Variants in PDE4B observed in about 807,000 individuals in gnomAD.
PDE4B encodes the protein phosphodiesterase 4B, also known as 3',5'-cyclic-AMP phosphodiesterase 4B.
In PDE4B, 20 loss-of-function variants were observed where a neutral mutation model predicts 82.2. The ratio of observed to expected loss-of-function variants is 0.24; its 90% CI spans 0.17 to 0.35. The LOEUF (loss-of-function observed/expected upper bound fraction) is 0.35, where lower values mean the gene tolerates loss of function less well. Ranked by LOEUF, PDE4B falls within the 10% of genes least tolerant of loss-of-function variation. The pLI, the probability that PDE4B is intolerant of heterozygous loss-of-function variation, is 1.00. For synonymous variants in PDE4B, 320 were observed against 318.9 expected (o/e 1.00, Z -0.04); for missense variants, 655 against 907.2 (o/e 0.72, Z 3.57).
intron 4 of PDE4B, among the ~76,000 whole-genome samples, chr1:66,254,447 G>C (rs747335593): frequency 8.6e-5 from 13 of 151,854 alleles, no homozygotes; most frequent in Admixed American, 7.9e-4. Context: ...CTCTTCCTTT[G>C]GCTCCCTATT....
intron 16 of PDE4B, among the ~76,000 whole-genome samples, chr1:66,371,039 A>T (rs955852793): frequency 7.4e-6 from 1 of 135,400 alleles, no homozygotes; most frequent in African/African-American, 2.8e-5. Context: ...TATATCATAC[A>T]TATATATATA....
At chr1:66,045,651 A>T (rs886214083) in intron 3 of PDE4B, among the ~76,000 whole-genome samples, 1 of 151,862 alleles carries the variant, frequency 6.6e-6, no homozygotes, top group Non-Finnish European at 1.5e-5. Context: ...ATCCCCCAAG[A>T]TGCCCATGTT....
intron 1 of PDE4B, among the ~76,000 whole-genome samples, chr1:65,882,605 G>C (rs1390797262): frequency 7.2e-6 from 1 of 139,682 alleles, no homozygotes; most frequent in Non-Finnish European, 1.5e-5. Flanking sequence ...CATAGTAAAA[G>C]ATTTATAATG....
intron 3 of PDE4B, among the ~76,000 whole-genome samples, chr1:66,207,031 G>A (rs1174342988): frequency 6.6e-6 from 1 of 152,106 alleles, no homozygotes; most frequent in Non-Finnish European, 1.5e-5. Flanking sequence ...ACCAAATCTT[G>A]TACTGAAAGG....
chr1:65,973,364 G>A (rs1217230804), intron 3 of PDE4B, among the ~76,000 whole-genome samples: 1 of 151,904 alleles, frequency 6.6e-6, no homozygotes, highest in African/African-American at 2.4e-5. Flanking sequence ...CTGATTTTTA[G>A]AAGAGACATT....
At chr1:65,869,795 GTTT>G (rs11320288) in intron 1 of PDE4B, among the ~76,000 whole-genome samples, 4,151 of 144,746 alleles carry the variant, frequency 0.029, 89 homozygotes, top group African/African-American at 0.053. Flanking sequence ...GCTATACCAT[GTTT>G]TTTTTTTTTT....
intron 3 of PDE4B, chr1:66,152,633 TACACACACAC>T (rs141660761): frequency 0.26 from 36,869 of 143,462 alleles, 4,952 homozygotes; most frequent in Non-Finnish European, 0.31. Context: ...TATATGTGTA[TACACACACAC>T]ACACACACAC....
intron 1 of PDE4B, among the ~76,000 whole-genome samples, chr1:65,823,569 C>A (rs1235380650): frequency 6.6e-6 from 1 of 152,064 alleles, no homozygotes. Context: ...TTGCAGTACT[C>A]TTTTTACTGG....
chr1:65,992,362 GGA>G (rs1473170833), intron 3 of PDE4B: 1 of 152,252 alleles, frequency 6.6e-6, no homozygotes, highest in Admixed American at 6.5e-5. Flanking sequence ...TTTGGTAGGT[GGA>G]GTTACTGTTG....
chr1:65,824,966 G>A (rs1330558297), intron 1 of PDE4B, among the ~76,000 whole-genome samples: 1 of 152,126 alleles, frequency 6.6e-6, no homozygotes, highest in African/African-American at 2.4e-5. Flanking sequence ...CATAATGATG[G>A]CAGAAGAATG....
At chr1:66,213,825 G>GC (rs770702356) in intron 3 of PDE4B, among the ~76,000 whole-genome samples, 127 of 152,044 alleles carry the variant, frequency 8.4e-4, no homozygotes, top group Non-Finnish European at 1.4e-3. Flanking sequence ...TCATCACATT[G>GC]CCCCTGAATG....
At chr1:65,856,281 C>T (rs193258301) in intron 1 of PDE4B, among the ~76,000 whole-genome samples, 225 of 152,172 alleles carry the variant, frequency 1.5e-3, no homozygotes, top group Admixed American at 5.4e-3. Context: ...TGGTGGTTTG[C>T]GGCACCCATG....
At chr1:65,849,191 T>C (rs981876678) in intron 1 of PDE4B, among the ~76,000 whole-genome samples, 1 of 152,150 alleles carries the variant, frequency 6.6e-6, no homozygotes, top group African/African-American at 2.4e-5. Context: ...GCTATTTGCC[T>C]TCAGAAGTGC....
intron 3 of PDE4B, among the ~76,000 whole-genome samples, chr1:65,965,072 T>A (rs187492765): frequency 1.3e-5 from 2 of 152,208 alleles, no homozygotes; most frequent in East Asian, 3.9e-4. Context: ...CACAATTAAC[T>A]AAAATGAGAC....
At chr1:65,967,589 G>T (rs1001980777) in intron 3 of PDE4B, among the ~76,000 whole-genome samples, 2 of 152,108 alleles carry the variant, frequency 1.3e-5, no homozygotes, top group Non-Finnish European at 2.9e-5. Flanking sequence ...TTGCAGCACT[G>T]TTCACAATAG....
chr1:66,051,396 C>T (rs1002439652), intron 3 of PDE4B, among the ~76,000 whole-genome samples: 7 of 152,042 alleles, frequency 4.6e-5, no homozygotes, highest in Non-Finnish European at 1.0e-4. Flanking sequence ...GAACCAAATT[C>T]AAACCCTGCT....
rs1326791844 is a variant in PDE4B at position 66,131,635 on chromosome 1, ATATT to A, written c.282-115824_282-115821del. On this transcript the variant is annotated intron_variant, in intron 3 of 16. Coordinates refer to ENST00000341517, the MANE Select transcript of PDE4B (RefSeq NM_002600.4). ...TATATATATATATATATATATATATATATTACTAACCAGGGAAAGGATGATGATT... is the reference window on the plus strand; with the variant it reads ...TATATATATATATATATATATATATAACTAACCAGGGAAAGGATGATGATT... 3.1e-5 allele frequency among the ~76,000 whole-genome samples: 4 copies of A among 127,636 alleles called. No individual in the cohort carries two copies. In the East Asian group the frequency reaches 7.2e-4, roughly 23 times the overall value. 83.7% of individuals were successfully genotyped at this position (127,636 alleles called of 152,430 possible).
chr1:66,105,918 G>A (rs908354106), intron 3 of PDE4B, among the ~76,000 whole-genome samples: 3 of 151,912 alleles, frequency 2.0e-5, no homozygotes, highest in Non-Finnish European at 4.4e-5. Context: ...TTTCCTAATT[G>A]AATACCCTTT....
rs17128769 is a variant in PDE4B at position 66,301,553 on chromosome 1, G to A, written c.635-30955G>A. ...GAGACCACCAGGCTTCTTACCGCTAGGACAATGCTTTTTTTTTTTTCTAAC... is the reference window on the plus strand; with the variant it reads ...GAGACCACCAGGCTTCTTACCGCTAAGACAATGCTTTTTTTTTTTTCTAAC... On this transcript the variant is annotated intron_variant, in intron 7 of 16. Transcript: ENST00000341517. 7.7e-3 allele frequency among the ~76,000 whole-genome samples: 1,110 copies of A among 143,434 alleles called. 40 individuals are homozygous for A. In the East Asian group the frequency reaches 0.12, roughly 15 times the overall value. 94.1% of individuals were successfully genotyped at this position (143,434 alleles called of 152,430 possible). A position where few individuals can be genotyped will look rare whatever the true frequency, so the allele number is the denominator to read the frequency against.
Sources: allele counts gnomAD v4.1 joint callset (sites outside exome capture counted in the v4.1 genomes callset), GRCh38; gene constraint gnomAD v4.1.1; transcripts MANE v1.5; gene names NCBI Gene and HGNC (gene_info 2026-07-23, HGNC 2026-07-21).